PTHLH: variants seen among roughly 807,000 people sequenced by gnomAD.
The protein encoded by PTHLH is parathyroid hormone like hormone.
A neutral mutation model predicts 18.6 loss-of-function variants in PTHLH; 5 were observed. The ratio of observed to expected loss-of-function variants is 0.27; its 90% CI spans 0.14 to 0.56. The LOEUF (loss-of-function observed/expected upper bound fraction) is 0.56, where lower values mean the gene tolerates loss of function less well. PTHLH is among the 20% of genes least tolerant of loss of function. The pLI is 0.92. For synonymous variants in PTHLH, 90 were observed against 94.0 expected (o/e 0.96, Z 0.25); for missense variants, 207 against 223.9 (o/e 0.92, Z 0.48).
chr12:27,962,930 C>T, intron 5 of PTHLH: 1 of 1,083,644 alleles, frequency 9.2e-7, no homozygotes, highest in Non-Finnish European at 1.1e-6. Flanking sequence ...CTTCTATATT[C>T]TCCCTTGAAG....
chr12:27,960,605 C>G (rs2062745128), intron 5 of PTHLH, among the ~76,000 whole-genome samples: 1 of 151,426 alleles, frequency 6.6e-6, no homozygotes, highest in African/African-American at 2.4e-5. Flanking sequence ...GCAATCCCAG[C>G]TACTCAGGAA....
chr12:27,970,864 G>T (rs374470909), intron 2 of PTHLH, among the ~76,000 whole-genome samples: 11 of 152,220 alleles, frequency 7.2e-5, no homozygotes, highest in African/African-American at 1.9e-4. Flanking sequence ...TTCCTCCCTG[G>T]CCCATTCCCG....
rs568769043 is a variant in PTHLH at position 27,969,502 on chromosome 12, GCTCGCGCTCGGGAC to G, written c.-22_-9del. Reference sequence around the variant, plus strand: ...AACCAGTCTCCGCTGCATCGTCTCCGCTCGCGCTCGGGACCTGCAACAGAAGGGAATGGGACCCG... The same window carrying G: ...AACCAGTCTCCGCTGCATCGTCTCCGCTGCAACAGAAGGGAATGGGACCCG... On this transcript the variant is annotated splice_region_variant and 5_prime_UTR_variant, in exon 4 of 6. Transcript: ENST00000545234. 7 of 1,564,016 alleles carry G rather than the reference GCTCGCGCTCGGGAC, an allele frequency of 4.5e-6. No homozygotes were observed. The East Asian group carries it at 9.5e-5, about 21-fold the overall frequency.
chr12:27,966,178 T>A (rs1461436782), intron 4 of PTHLH, among the ~76,000 whole-genome samples: 1 of 152,226 alleles, frequency 6.6e-6, no homozygotes, highest in African/African-American at 2.4e-5. Context: ...TCAAGCTGCA[T>A]TTTCCCAGGA....
intron 1 of PTHLH, 25 bp downstream of exon 1, chr12:27,972,498 G>T (rs2062878328): frequency 1.3e-5 from 2 of 152,134 alleles, no homozygotes; most frequent in Admixed American, 6.5e-5. Context: ...GAATACCAAA[G>T]TTCCCTCCTA....
chr12:27,967,355 T>C lies in PTHLH; in HGVS notation c.101+2039A>G, dbSNP rs116820473. ...TTAGGAAGTCTTATTGTTATAGTAA[T>C]TTCCTCTCCCTTAAAAGTTAGCATC... On this transcript the variant is annotated intron_variant, in intron 4 of 5. Coordinates refer to ENST00000545234, the MANE Select transcript of PTHLH (RefSeq NM_198965.2). Among the ~76,000 whole-genome samples the C allele has an allele frequency of 2.6e-3, 390 of 152,312 alleles. 1 individual carries two copies. Among genetic ancestry groups the C allele is most frequent in the African/African-American group, 9.0e-3 (375 of 41,574 alleles).
chr12:27,963,173 G>T, intron 5 of PTHLH, 175 bp downstream of exon 5: 1 of 1,495,766 alleles, frequency 6.7e-7, no homozygotes, highest in Non-Finnish European at 8.9e-7. Context: ...TGTGGTAGGG[G>T]GGTACTGCTT....
intron 2 of PTHLH, among the ~76,000 whole-genome samples, chr12:27,971,372 T>A (rs27633): frequency 6.6e-6 from 1 of 151,728 alleles, no homozygotes; most frequent in Non-Finnish European, 1.5e-5. Flanking sequence ...GTGGATACCC[T>A]CCCCAGGGCT....
Position 27,960,562 on chromosome 12 carries a change from A to G in PTHLH, c.525-1994T>C, listed in dbSNP as rs572579214. The stretch of plus-strand genomic sequence containing the variant: ...GCGAAACCCCATCTCTACTAAAAAT[A>G]CAAAAATTAGCCAGGCATGGTGGCG... On this transcript the variant is annotated intron_variant, in intron 5 of 5. Coordinates refer to ENST00000545234, the MANE Select transcript of PTHLH (RefSeq NM_198965.2). Among the ~76,000 whole-genome samples the G allele has an allele frequency of 2.6e-5, 4 of 152,078 alleles. No individual in the cohort carries two copies. The East Asian group carries it at 7.8e-4, about 29-fold the overall frequency.
Position 27,963,594 on chromosome 12 carries a change from A to C in PTHLH, c.278T>G (p.Val93Gly), listed in dbSNP as rs757711589. The C allele has an allele frequency of 6.2e-7, 1 of 1,613,912 alleles. No individual in the cohort carries two copies. The highest frequency in any genetic ancestry group is 8.5e-7 in the Non-Finnish European group (1 of 1,179,994). Reference sequence around the variant, plus strand: ...GCCCTCATCATCAGACCCAAATCGGACGGGGTGGTTCTTTGTGTTGGGAGA... The same window carrying C: ...GCCCTCATCATCAGACCCAAATCGGCCGGGGTGGTTCTTTGTGTTGGGAGA... Reference protein sequence around the residue: ...KPSPNTKNHPVRFGSDDEGRY... With the variant: ...KPSPNTKNHPGRFGSDDEGRY... The change falls in exon 5 of 6, where the codon GTC (valine) becomes GGC (glycine). Residue 93 changes from valine (V) to glycine (G), a missense_variant. Coordinates refer to ENST00000545234, the MANE Select transcript of PTHLH (RefSeq NM_198965.2).
chr12:27,970,234 G>C lies in PTHLH; in HGVS notation c.-232C>G, dbSNP rs763597353. On this transcript the variant is annotated 5_prime_UTR_variant, in exon 3 of 6. Coordinates refer to ENST00000545234, the MANE Select transcript of PTHLH (RefSeq NM_198965.2). ...GCAGGTTGGAGGCGAGTTGAAAACCGAGCGGAGGAATGTTCACACGCTCCG... is the reference window on the plus strand; with the variant it reads ...GCAGGTTGGAGGCGAGTTGAAAACCCAGCGGAGGAATGTTCACACGCTCCG... The C allele has an allele frequency of 8.4e-6, 4 of 477,122 alleles. No homozygotes were observed. The highest frequency in any genetic ancestry group is 2.1e-5 in the Admixed American group (1 of 46,582). The allele number at this position is 477,122 out of a possible 1,614,324, so 29.6% of individuals were successfully genotyped here. A position where few individuals can be genotyped will look rare whatever the true frequency, so the allele number is the denominator to read the frequency against.
chr12:27,968,952 G>A (rs2062841379), intron 4 of PTHLH, among the ~76,000 whole-genome samples: 1 of 152,002 alleles, frequency 6.6e-6, no homozygotes, highest in Admixed American at 6.5e-5. Flanking sequence ...TTAGATGTAC[G>A]GCTTTTGCTT....
Position 27,963,591 on chromosome 12 carries a change from C to A in PTHLH, c.281G>T (p.Arg94Leu). Residue 94 changes from arginine to leucine, a missense_variant, in exon 5 of 6, where the codon CGA (arginine) becomes CTA (leucine). Arg to Leu is a moderately radical substitution (Grantham distance 102). Coordinates refer to ENST00000545234, the MANE Select transcript of PTHLH (RefSeq NM_198965.2). ...PSPNTKNHPVRFGSDDEGRYL... is the reference protein window; with the variant it reads ...PSPNTKNHPVLFGSDDEGRYL... ...TCTGCCCTCATCATCAGACCCAAAT[C>A]GGACGGGGTGGTTCTTTGTGTTGGG... 6.2e-7 allele frequency: 1 copy of A among 1,614,146 alleles called. No homozygotes were observed. Among genetic ancestry groups the A allele is most frequent in the Non-Finnish European group, 8.5e-7 (1 of 1,180,028 alleles).
At chr12:27,962,451 G>A in intron 5 of PTHLH, 1 of 742,444 alleles carries the variant, frequency 1.3e-6, no homozygotes, top group East Asian at 1.3e-4. Flanking sequence ...GTGAGTCTTA[G>A]AAAGGCAGAG....
chr12:27,970,149 G>A lies in PTHLH; in HGVS notation c.-147C>T, dbSNP rs922817137. The A allele has an allele frequency of 2.7e-5, 14 of 517,694 alleles. No individual in the cohort carries two copies. Among genetic ancestry groups the A allele is most frequent in the Admixed American group, 1.4e-4 (7 of 51,554 alleles). 32.1% of individuals were successfully genotyped at this position (517,694 alleles called of 1,614,324 possible). A position where few individuals can be genotyped will look rare whatever the true frequency, so the allele number is the denominator to read the frequency against. ...CGAGGGCGGGTCGTTAGTGGCAGCC[G>A]GAGCGGCAGGGAGGCGGCAGCCCCG... On this transcript the variant is annotated 5_prime_UTR_variant, in exon 3 of 6. Transcript: ENST00000545234.
intron 5 of PTHLH, among the ~76,000 whole-genome samples, chr12:27,960,852 A>T (rs1351705857): frequency 6.6e-6 from 1 of 152,140 alleles, no homozygotes; most frequent in Non-Finnish European, 1.5e-5. Context: ...GGACGTTAAT[A>T]AAAGACTTAT....
At chr12:27,960,717 CAAAAAA>C (rs146277675) in intron 5 of PTHLH, among the ~76,000 whole-genome samples, 1 of 96,120 alleles carries the variant, frequency 1.0e-5, no homozygotes. Flanking sequence ...GACTCTGTCT[CAAAAAA>C]AAAAAAAAAA....
In PTHLH at chr12:27,963,394, C is replaced by T. The variant is rs745954708; in HGVS notation, c.478G>A (p.Asp160Asn). ...SGVTGSGLEGDHLSDTSTTSL... is the reference protein window; with the variant it reads ...SGVTGSGLEGNHLSDTSTTSL... Reference sequence around the variant, plus strand: ...GTTGTGGAGGTGTCAGACAGGTGGTCCCCTTCTAGCCCACTCCCAGTCACT... The same window carrying T: ...GTTGTGGAGGTGTCAGACAGGTGGTTCCCTTCTAGCCCACTCCCAGTCACT... The change falls in exon 5 of 6, where the codon GAC (aspartate) becomes AAC (asparagine). Residue 160 changes from aspartate to asparagine, a missense_variant. Asp to Asn is a conservative substitution (Grantham distance 23). Coordinates refer to ENST00000545234, the MANE Select transcript of PTHLH (RefSeq NM_198965.2). 1 of 1,614,156 alleles carries T rather than the reference C, an allele frequency of 6.2e-7. No homozygotes were observed. The highest frequency in any genetic ancestry group is 8.5e-7 in the Non-Finnish European group (1 of 1,180,026).
intron 4 of PTHLH, chr12:27,969,044 C>A (rs1048803848): frequency 3.3e-6 from 1 of 305,618 alleles, no homozygotes; most frequent in East Asian, 7.1e-5. Context: ...CAGCTTCCTC[C>A]GAGTTTCAGA....
Sources: gnomAD v4.1 joint callset for allele counts (sites outside exome capture counted in the v4.1 genomes callset) on GRCh38, gnomAD v4.1.1 for gene constraint, MANE v1.5 for transcripts, NCBI Gene and HGNC (gene_info 2026-07-23, HGNC 2026-07-21) for gene names.